The following MCM9 variants were observed in gnomAD, a reference collection of about 807,000 sequenced individuals.
MCM9 encodes the protein DNA helicase MCM9.
A neutral mutation model predicts 72.8 loss-of-function variants in MCM9; 55 were observed. The ratio of observed to expected loss-of-function variants is 0.76; its 90% CI spans 0.61 to 0.95. MCM9 has a LOEUF of 0.95. Ranked by LOEUF, MCM9 falls within the 40% of genes least tolerant of loss-of-function variation. The pLI, the probability that MCM9 is intolerant of heterozygous loss-of-function variation, is 0.00. For synonymous variants in MCM9, 480 were observed against 503.4 expected, an observed-to-expected ratio of 0.95 and a Z score of 0.62; for missense variants, 1,279 against 1,377.0, an observed-to-expected ratio of 0.93 and a Z score of 1.13.
intron 8 of MCM9, among the ~76,000 whole-genome samples, chr6:118,902,155 A>G (rs1779835358): frequency 6.6e-6 from 1 of 152,236 alleles, no homozygotes; most frequent in East Asian, 1.9e-4. Context: ...TGTAAAAGAC[A>G]TGGGTAACAG....
At chr6:118,858,599 G>C (rs142200370) in intron 8 of MCM9, among the ~76,000 whole-genome samples, 11,607 of 152,110 alleles carry the variant, frequency 0.076, 685 homozygotes, top group East Asian at 0.19. Context: ...AATATGATTA[G>C]ATAGAAAATC....
chr6:118,900,447 GAAAACTTA>G (rs1219704759), intron 8 of MCM9, among the ~76,000 whole-genome samples: 8 of 152,304 alleles, frequency 5.3e-5, no homozygotes, highest in Middle Eastern at 3.4e-3. Flanking sequence ...GGATATCTCA[GAAAACTTA>G]CTGTGCCAGC....
intron 8 of MCM9, among the ~76,000 whole-genome samples, chr6:118,887,809 T>C (rs1048669925): frequency 4.6e-5 from 7 of 152,122 alleles, no homozygotes; most frequent in Admixed American, 6.5e-5. Context: ...ATTTTCAAAA[T>C]AGGCAAAGAG....
intron 2 of MCM9, 87 bp downstream of exon 2, chr6:118,932,519 AC>A (rs1370508028): frequency 5.1e-6 from 4 of 779,142 alleles, no homozygotes; most frequent in Non-Finnish European, 4.7e-6. Context: ...GTTTATATGA[AC>A]ACAGTGTCAT....
At chr6:118,891,248 C>T (rs1187875274) in intron 8 of MCM9, among the ~76,000 whole-genome samples, 2 of 152,184 alleles carry the variant, frequency 1.3e-5, no homozygotes, top group Admixed American at 6.5e-5. Flanking sequence ...CACACCCTTA[C>T]TGGCATGGCT....
At chr6:118,843,692 A>ATATATGTATGTATATATATACGTG (rs1464258046) in intron 9 of MCM9, among the ~76,000 whole-genome samples, 1 of 63,792 alleles carries the variant, frequency 1.6e-5, no homozygotes, top group Non-Finnish European at 2.8e-5. Context: ...ATATGTGTAT[A>ATATATGTATGTATATATATACGTG]TATATATATA....
chr6:118,875,153 C>T (rs1002058947), intron 8 of MCM9, among the ~76,000 whole-genome samples: 2 of 152,088 alleles, frequency 1.3e-5, no homozygotes, highest in Non-Finnish European at 2.9e-5. Flanking sequence ...TTACATTAGT[C>T]CCCCTCAAAA....
chr6:118,819,047 C>T (rs1189548153), intron 13 of MCM9, among the ~76,000 whole-genome samples: 1 of 152,164 alleles, frequency 6.6e-6, no homozygotes, highest in Non-Finnish European at 1.5e-5. Flanking sequence ...TCTAAATATA[C>T]AATCATGTCA....
chr6:118,883,069 CAAAA>C (rs36162403), intron 8 of MCM9, among the ~76,000 whole-genome samples: 1 of 46,156 alleles, frequency 2.2e-5, no homozygotes, highest in Non-Finnish European at 4.8e-5. Context: ...CTCAAAGATG[CAAAA>C]AAAAAAAAAA....
At chr6:118,827,816 C>T (rs1283506035) in intron 11 of MCM9, 111 bp downstream of exon 11, 3 of 986,112 alleles carry the variant, frequency 3.0e-6, no homozygotes, top group Non-Finnish European at 3.0e-6. Context: ...TGACTATGAG[C>T]ACCTTAGAGT....
rs759842057 is a variant in MCM9, at chr6:118,826,766, C to T, written c.1815+16G>A. The T allele has an allele frequency of 3.5e-5, 54 of 1,524,322 alleles. No homozygotes were observed. The highest frequency in any genetic ancestry group is 6.3e-5 in the South Asian group (5 of 79,636). 94.4% of individuals were successfully genotyped at this position (1,524,322 alleles called of 1,614,324 possible). A position where few individuals can be genotyped will look rare whatever the true frequency, so the allele number is the denominator to read the frequency against. ...TTGTAATTAGGATAAAAATTAGGTA[C>T]ACAAAATATCCTTACCTGCATTGAG... On this transcript the variant is annotated intron_variant, in intron 12 of 13. Coordinates refer to ENST00000619706, the MANE Select transcript of MCM9 (RefSeq NM_017696.3).
rs545370155 is a variant in MCM9, at chr6:118,905,897, T to C, written c.1150+5753A>G. 174 of 1,186,344 alleles carry C rather than the reference T, an allele frequency of 1.5e-4. 3 individuals carry two copies. In the South Asian group the frequency reaches 2.6e-3, roughly 18 times the overall value. 73.5% of individuals were successfully genotyped at this position (1,186,344 alleles called of 1,614,324 possible). ...TTTTTAAAGCAGTTGCTATTGCAAT[T>C]TCATAGTATACTATTAAAATGGCTT... On this transcript the variant is annotated intron_variant, in intron 8 of 13. Coordinates refer to ENST00000619706, the MANE Select transcript of MCM9 (RefSeq NM_017696.3).
Position 118,923,913 on chromosome 6 carries a change from G to C in MCM9, c.519C>G (p.Pro173=), listed in dbSNP as rs1230821526. Reference sequence around the variant, plus strand: ...TAGAGGAATCACAGCTCTCCAAGCTGGGACACGAGGATGGCCGGCAAAAGG... The same window carrying C: ...TAGAGGAATCACAGCTCTCCAAGCTCGGACACGAGGATGGCCGGCAAAAGG... ...YYTFCRPSSC[P]SLESCDSSKF... is the part of the protein sequence containing the mutation. Residue 173 remains proline, a synonymous_variant, in exon 4 of 14, where the codon CCC becomes CCG. Coordinates refer to ENST00000619706, the MANE Select transcript of MCM9 (RefSeq NM_017696.3). 3.7e-6 allele frequency: 6 copies of C among 1,614,218 alleles called. No individual in the cohort carries two copies. Among genetic ancestry groups the C allele is most frequent in the Non-Finnish European group, 5.1e-6 (6 of 1,180,034 alleles).
At chr6:118,831,975 C>T (rs1048156367) in intron 9 of MCM9, among the ~76,000 whole-genome samples, 3 of 152,158 alleles carry the variant, frequency 2.0e-5, no homozygotes, top group Non-Finnish European at 2.9e-5. Flanking sequence ...GAGATTCAAA[C>T]CTAGATCTGC....
chr6:118,928,910 C>G (rs969924135), intron 3 of MCM9, among the ~76,000 whole-genome samples: 1 of 151,726 alleles, frequency 6.6e-6, no homozygotes, highest in African/African-American at 2.4e-5. Context: ...ACTCGGCATA[C>G]AGCAAGCGCT....
intron 8 of MCM9, among the ~76,000 whole-genome samples, chr6:118,864,939 T>G (rs780294461): frequency 5.3e-5 from 8 of 151,974 alleles, no homozygotes; most frequent in Non-Finnish European, 1.0e-4. Context: ...GCTACATGCC[T>G]GCTTGTCTTC....
At chr6:118,819,698 C>A (rs1055620625) in intron 13 of MCM9, among the ~76,000 whole-genome samples, 3 of 152,150 alleles carry the variant, frequency 2.0e-5, no homozygotes, top group East Asian at 3.8e-4. Context: ...AGGAATGATA[C>A]CAGCTCCTCT....
At chr6:118,818,679 C>A (rs1352150147) in intron 13 of MCM9, among the ~76,000 whole-genome samples, 2 of 152,126 alleles carry the variant, frequency 1.3e-5, no homozygotes, top group African/African-American at 4.8e-5. Flanking sequence ...TCAACGGTAG[C>A]TTGATGGGAA....
intron 8 of MCM9, among the ~76,000 whole-genome samples, chr6:118,899,477 T>C (rs1282113130): frequency 6.6e-6 from 1 of 152,170 alleles, no homozygotes; most frequent in Non-Finnish European, 1.5e-5. Context: ...GCGAGATACT[T>C]ATATTGCCTA....
Sources: gnomAD v4.1 joint callset for allele counts (sites outside exome capture counted in the v4.1 genomes callset) on GRCh38, gnomAD v4.1.1 for gene constraint, MANE v1.5 for transcripts, NCBI Gene and HGNC (gene_info 2026-07-23, HGNC 2026-07-21) for gene names.